PCDHGB3: variants seen among roughly 807,000 people sequenced by gnomAD.
PCDHGB3 encodes protocadherin gamma-B3.
A neutral mutation model predicts 59.2 loss-of-function variants in PCDHGB3; 40 were observed. The ratio of observed to expected loss-of-function variants is 0.68; its 90% CI spans 0.52 to 0.88. The LOEUF is 0.88. PCDHGB3 is among the 40% of genes least tolerant of loss of function. PCDHGB3 has a pLI of 0.00. For synonymous variants in PCDHGB3, 581 were observed against 503.6 expected (o/e 1.15, Z -2.06); for missense variants, 1,309 against 1,187.9 (o/e 1.10, Z -1.50).
Position 141,370,415 on chromosome 5 carries a change from G to A in PCDHGB3, c.21G>A (p.Trp7Ter). MGNSSGWRGPAGQRRML... is the reference protein window; with the variant it reads MGNSSG ...GCGGGATGGGAAATAGCTCCGGATG[G>A]AGGGGCCCAGCAGGGCAGAGGCGAA... Residue 7 changes from tryptophan (W) to a stop codon, truncating the protein, a stop_gained, in exon 1 of 4, where the codon TGG (tryptophan) becomes TGA (stop). Coordinates refer to ENST00000576222, the MANE Select transcript of PCDHGB3 (RefSeq NM_018924.5). LOFTEE classifies it high-confidence loss of function. 6.4e-7 allele frequency: 1 copy of A among 1,569,830 alleles called. No individual in the cohort carries two copies. The highest frequency in any genetic ancestry group is 8.6e-7 in the Non-Finnish European group (1 of 1,159,322).
At chr5:141,419,170 C>T (rs758796140) in intron 1 of PCDHGB3, 4 of 1,613,966 alleles carry the variant, frequency 2.5e-6, no homozygotes, top group Non-Finnish European at 3.4e-6. Context: ...CCAGCAAAAC[C>T]ATAACCCTGC....
At chr5:141,439,202 A>AG (rs1348445707) in intron 1 of PCDHGB3, among the ~76,000 whole-genome samples, 2 of 151,954 alleles carry the variant, frequency 1.3e-5, no homozygotes, top group African/African-American at 4.8e-5. Context: ...AAAAAAAAAA[A>AG]AAATCCATAT....
intron 1 of PCDHGB3, chr5:141,478,153 T>G (rs1477175391): frequency 3.1e-6 from 5 of 1,613,934 alleles, no homozygotes; most frequent in Middle Eastern, 1.6e-4. Flanking sequence ...AGTTCCCCTC[T>G]GGCTCTGCCC....
At chr5:141,471,215 A>G (rs1562030197) in intron 1 of PCDHGB3, 1 of 149,038 alleles carries the variant, frequency 6.7e-6, no homozygotes, top group Non-Finnish European at 1.5e-5. Context: ...ATGCCTGGCA[A>G]TTTTTTTGTA....
At chr5:141,391,886 A>C (rs2092436812) in intron 1 of PCDHGB3, 1 of 152,206 alleles carries the variant, frequency 6.6e-6, no homozygotes, top group Non-Finnish European at 1.5e-5. Flanking sequence ...GGTGAAAGGG[A>C]TGGGATGGAG....
chr5:141,507,661 C>T (rs1328943034), intron 3 of PCDHGB3, among the ~76,000 whole-genome samples: 1 of 152,236 alleles, frequency 6.6e-6, no homozygotes, highest in Non-Finnish European at 1.5e-5. Context: ...GCTTTTTAGC[C>T]TAAATCCAGA....
In PCDHGB3 at chr5:141,408,711, A is replaced by T. The variant is rs763392682; in HGVS notation, c.2415+35902A>T. The T allele has an allele frequency of 9.3e-6, 15 of 1,612,568 alleles. No homozygotes were observed. In the East Asian group the frequency reaches 3.3e-4, roughly 36 times the overall value. On this transcript the variant is annotated intron_variant, in intron 1 of 3. Transcript: ENST00000576222. The stretch of plus-strand genomic sequence containing the variant: ...ATAAACATAAACTCAATTAAAGATT[A>T]TAAGATAAACTCTAATCCTTATTTT...
chr5:141,437,820 C>T (rs973577605), intron 1 of PCDHGB3, among the ~76,000 whole-genome samples: 4 of 151,904 alleles, frequency 2.6e-5, no homozygotes, highest in Non-Finnish European at 5.9e-5. Flanking sequence ...TCACTGCAAC[C>T]TCTGCCTCCT....
chr5:141,386,009 G>T (rs956571005), intron 1 of PCDHGB3: 7 of 152,222 alleles, frequency 4.6e-5, no homozygotes, highest in Non-Finnish European at 8.8e-5. Context: ...CATTTTAAGT[G>T]TTGTAATTGG....
At chr5:141,415,809 CTA>C in intron 1 of PCDHGB3, 1 of 1,346,328 alleles carries the variant, frequency 7.4e-7, no homozygotes, top group Non-Finnish European at 9.5e-7. Flanking sequence ...CAATCAAGGC[CTA>C]TATATCATAA....
At chr5:141,436,778 G>A (rs2097846346) in intron 1 of PCDHGB3, among the ~76,000 whole-genome samples, 1 of 152,154 alleles carries the variant, frequency 6.6e-6, no homozygotes, top group African/African-American at 2.4e-5. Flanking sequence ...ATTTGTGGAT[G>A]GAAATAAAAC....
intron 1 of PCDHGB3, chr5:141,409,009 G>A (rs1189849996): frequency 6.2e-7 from 1 of 1,613,994 alleles, no homozygotes. Context: ...CCACTGACCA[G>A]GATGAGGGGG....
intron 1 of PCDHGB3, chr5:141,441,799 G>C (rs546770596): frequency 2.6e-6 from 1 of 385,350 alleles, no homozygotes; most frequent in Non-Finnish European, 5.2e-6. Context: ...AACGCACCGC[G>C]GGTGCTGTAC....
chr5:141,503,912 A>AAC (rs34419983), intron 2 of PCDHGB3, among the ~76,000 whole-genome samples: 3 of 152,280 alleles, frequency 2.0e-5, no homozygotes, highest in East Asian at 3.9e-4. Context: ...CACACAACGC[A>AAC]ACACACACAC....
rs770638374 is a variant in PCDHGB3 at position 141,409,524 on chromosome 5, A to G, written c.2415+36715A>G. On this transcript the variant is annotated intron_variant, in intron 1 of 3. Coordinates refer to ENST00000576222, the MANE Select transcript of PCDHGB3 (RefSeq NM_018924.5). ...TCTTCCAGTAGAAGCATCACCTTGTATGTCGCTGACATCAACGACAACGCC... is the reference window on the plus strand; with the variant it reads ...TCTTCCAGTAGAAGCATCACCTTGTGTGTCGCTGACATCAACGACAACGCC... 11 of 1,613,972 alleles carry G rather than the reference A, an allele frequency of 6.8e-6. No homozygotes were observed. In the South Asian group the frequency reaches 1.1e-4, roughly 16 times the overall value.
At chr5:141,480,514 C>A (rs1015316945) in intron 1 of PCDHGB3, among the ~76,000 whole-genome samples, 2 of 127,196 alleles carry the variant, frequency 1.6e-5, no homozygotes, top group African/African-American at 7.3e-5. Flanking sequence ...TGAGAACAAC[C>A]AAAAATGACA....
At position 141,410,301 on chromosome 5, in the gene PCDHGB3, C is replaced by A. The variant is rs1294760427; in HGVS notation, c.2415+37492C>A. ...CTGGTGGTGGCCTTGGCCTTAATCT[C>A]AGTGCTCTTCCTCCTCGCCGTGATT... On this transcript the variant is annotated intron_variant, in intron 1 of 3. Transcript: ENST00000576222. 2.5e-6 allele frequency: 4 copies of A among 1,614,030 alleles called. No individual in the cohort carries two copies. In the Admixed American group the frequency reaches 6.7e-5, roughly 27 times the overall value.
intron 1 of PCDHGB3, among the ~76,000 whole-genome samples, chr5:141,401,393 A>G (rs2094149748): frequency 6.6e-6 from 1 of 152,202 alleles, no homozygotes. Context: ...ACTACATGTT[A>G]TGTGTATGAG....
intron 1 of PCDHGB3, chr5:141,478,182 AT>A: frequency 6.2e-7 from 1 of 1,613,984 alleles, no homozygotes. Context: ...CAGAAAAAAA[AT>A]CTCACCTTTT....
Sources: gnomAD v4.1 joint callset for allele counts (sites outside exome capture counted in the v4.1 genomes callset) on GRCh38, gnomAD v4.1.1 for gene constraint, MANE v1.5 for transcripts, NCBI Gene and HGNC (gene_info 2026-07-23, HGNC 2026-07-21) for gene names.